Variants in NUP85 observed in about 807,000 individuals in gnomAD.
NUP85 encodes nuclear pore complex protein Nup85.
NUP85 carries 23 observed loss-of-function variants against 92.8 expected under a neutral mutation model. The observed-to-expected ratio is 0.25, with a 90% CI of 0.18 to 0.35. The LOEUF (loss-of-function observed/expected upper bound fraction) is 0.35. Ranked by LOEUF, NUP85 falls within the 10% of genes least tolerant of loss-of-function variation. The pLI, the probability that NUP85 is intolerant of heterozygous loss-of-function variation, is 1.00. For synonymous variants in NUP85, 314 were observed against 306.9 expected (o/e 1.02, Z -0.24); for missense variants, 759 against 822.8 (o/e 0.92, Z 0.95).
intron 3 of NUP85, 51 bp from the exon 4 acceptor site, chr17:75,211,941 G>GCA: frequency 7.3e-7 from 1 of 1,373,068 alleles, no homozygotes. Flanking sequence ...TTCCTTTGTG[G>GCA]CACTACAAGA....
chr17:75,219,260 C>T (rs768772788), intron 7 of NUP85, among the ~76,000 whole-genome samples: 1 of 152,188 alleles, frequency 6.6e-6, no homozygotes, highest in Non-Finnish European at 1.5e-5. Flanking sequence ...GTTTGAGTCT[C>T]TGATTGATTC....
intron 7 of NUP85, among the ~76,000 whole-genome samples, chr17:75,218,693 C>T (rs1265030423): frequency 7.3e-6 from 1 of 136,412 alleles, no homozygotes; most frequent in East Asian, 2.3e-4. Flanking sequence ...TCTCTTGAGC[C>T]CAGGAGTTTG....
intron 17 of NUP85, 75 bp from the exon 18 acceptor site, chr17:75,235,025 C>T (rs1183546451): frequency 9.6e-6 from 12 of 1,254,656 alleles, no homozygotes; most frequent in African/African-American, 4.4e-5. Flanking sequence ...GAAGAACGTC[C>T]GAACATGGGC....
chr17:75,218,147 CTG>C (rs1207857135), intron 6 of NUP85, 36 bp from the exon 7 acceptor site: 2 of 1,612,718 alleles, frequency 1.2e-6, no homozygotes, highest in Admixed American at 3.3e-5. Context: ...GCAGATGAAG[CTG>C]AGGCTTTTGT....
Position 75,218,203 on chromosome 17 carries a change from AT to A in NUP85, c.495del (p.Leu166SerfsTer35). On this transcript the variant is annotated frameshift_variant, in exon 7 of 19. Coordinates refer to ENST00000245544, the MANE Select transcript of NUP85 (RefSeq NM_024844.5). LOFTEE classifies it high-confidence loss of function. Reference protein sequence around the residue: ...EVAPAGPLLLHLLDWVRLHVC... With the variant: ...EVAPAGPLLLXLLDWVRLHVC... ...CTCCCAGCTGGCCCTCTCCTCCTCC[AT>A]CTCCTTGACTGGGTCCGGCTCCATG... 6.2e-7 allele frequency: 1 copy of A among 1,613,838 alleles called. No individual in the cohort carries two copies. Among genetic ancestry groups the A allele is most frequent in the Non-Finnish European group, 8.5e-7 (1 of 1,179,882 alleles).
At chr17:75,208,825 C>G (rs1029368524) in intron 2 of NUP85, among the ~76,000 whole-genome samples, 1 of 152,038 alleles carries the variant, frequency 6.6e-6, no homozygotes, top group Non-Finnish European at 1.5e-5. Context: ...TCACTGCAGC[C>G]TCTACCTCTT....
intron 14 of NUP85, 118 bp from the exon 15 acceptor site, chr17:75,232,733 C>G: frequency 1.2e-6 from 1 of 852,798 alleles, no homozygotes; most frequent in Non-Finnish European, 2.0e-6. Context: ...GCATTTAGAG[C>G]CCAAAGAGTG....
At chr17:75,218,554 A>G (rs576569688) in intron 7 of NUP85, among the ~76,000 whole-genome samples, 1 of 151,658 alleles carries the variant, frequency 6.6e-6, no homozygotes, top group Admixed American at 6.6e-5. Context: ...TTGTGGATCT[A>G]AGGAAGAGAA....
chr17:75,231,825 C>T lies in NUP85; in HGVS notation c.1245-3C>T, dbSNP rs1210542078. The T allele has an allele frequency of 1.4e-5, 22 of 1,613,932 alleles. No homozygotes were observed. The highest frequency in any genetic ancestry group is 1.8e-5 in the Non-Finnish European group (21 of 1,179,884). Reference sequence around the variant, plus strand: ...CATGTCTGTCCTCCTCGAACCTTTGCAGCCTGTGGCAGCTGGGGGTCGATT... The same window carrying T: ...CATGTCTGTCCTCCTCGAACCTTTGTAGCCTGTGGCAGCTGGGGGTCGATT... On this transcript the variant is annotated splice_region_variant and splice_polypyrimidine_tract_variant and intron_variant, in intron 13 of 18. Coordinates refer to ENST00000245544, the MANE Select transcript of NUP85 (RefSeq NM_024844.5). This position sits in a 1 kb window ranked among gnomAD's most constrained non-coding sequence, Gnocchi z 4.6.
intron 3 of NUP85, among the ~76,000 whole-genome samples, chr17:75,211,429 CTTTTT>C (rs35830323): frequency 7.2e-6 from 1 of 139,236 alleles, no homozygotes; most frequent in Admixed American, 7.3e-5. Flanking sequence ...CTGTCTTATT[CTTTTT>C]TTTTTTTTTT....
chr17:75,220,878 A>AT (rs71159457), intron 7 of NUP85, among the ~76,000 whole-genome samples: 59,958 of 97,568 alleles, frequency 0.61, 21,982 homozygotes, highest in East Asian at 0.86. Flanking sequence ...CACCATCCCA[A>AT]TTTTTTTTTT....
rs1333682140 is a variant in NUP85 at position 75,217,400 on chromosome 17, C to G, written c.476-785C>G. Among the ~76,000 whole-genome samples, 7 of 151,796 alleles carry G rather than the reference C, an allele frequency of 4.6e-5. No homozygotes were observed. In the South Asian group the frequency reaches 1.5e-3, roughly 32 times the overall value. On this transcript the variant is annotated intron_variant, in intron 6 of 18. Transcript: ENST00000245544. Reference sequence around the variant, plus strand: ...TTTTTTTTGTAGAGATGGGGTCTCCCTATGTTGCCCAGCCTAGTGTCAAAC... The same window carrying G: ...TTTTTTTTGTAGAGATGGGGTCTCCGTATGTTGCCCAGCCTAGTGTCAAAC...
intron 1 of NUP85, among the ~76,000 whole-genome samples, chr17:75,206,860 G>C (rs1033610497): frequency 6.6e-6 from 1 of 151,748 alleles, no homozygotes; most frequent in Non-Finnish European, 1.5e-5. Context: ...ACCACGCCCG[G>C]CTAATTTTTT....
At chr17:75,214,842 G>A (rs1173641463) in intron 5 of NUP85, among the ~76,000 whole-genome samples, 1 of 123,238 alleles carries the variant, frequency 8.1e-6, no homozygotes, top group Non-Finnish European at 1.7e-5. Context: ...GACTGACAGA[G>A]TGAGACTCTG....
chr17:75,226,769 C>T, intron 11 of NUP85: 1 of 449,940 alleles, frequency 2.2e-6, no homozygotes, highest in South Asian at 1.6e-5. Flanking sequence ...AATAACATCG[C>T]GGGAAACTAC....
Position 75,231,840 on chromosome 17 carries a change from G to A in NUP85, c.1257G>A (p.Leu419=), listed in dbSNP as rs573598039. The A allele has an allele frequency of 1.9e-6, 3 of 1,614,056 alleles. No individual in the cohort carries two copies. The highest frequency in any genetic ancestry group is 1.1e-5 in the South Asian group (1 of 91,060). ...CGAACCTTTGCAGCCTGTGGCAGCT[G>A]GGGGTCGATTACTTTGATTACTGCC... The part of the protein sequence containing the change: ...GLFAHPSLWQ[L]GVDYFDYCPE... Residue 419 remains leucine, a synonymous_variant, in exon 14 of 19, where the codon CTG becomes CTA. Transcript: ENST00000245544. The surrounding 1 kb of genome is among the most constrained non-coding windows in gnomAD (Gnocchi z 4.6).
chr17:75,209,675 C>T (rs1012282253), intron 2 of NUP85, 148 bp from the exon 3 acceptor site: 4 of 566,086 alleles, frequency 7.1e-6, no homozygotes, highest in Non-Finnish European at 1.2e-5. Context: ...AATTCCTGAC[C>T]TCGTGATCTG....
intron 3 of NUP85, among the ~76,000 whole-genome samples, chr17:75,210,436 C>T (rs1212247711): frequency 6.6e-6 from 1 of 152,186 alleles, no homozygotes; most frequent in Non-Finnish European, 1.5e-5. Flanking sequence ...TCATCATTAT[C>T]AGAGTGGTAC....
chr17:75,234,644 T>C lies in NUP85; in HGVS notation c.1623T>C (p.Tyr541=), dbSNP rs1351335011. Reference sequence around the variant, plus strand: ...GCTCTTGTTTCGCCATAGGAAAGTATCGCGAGTTCCACCGTATGTACGGGG... The same window carrying C: ...GCTCTTGTTTCGCCATAGGAAAGTACCGCGAGTTCCACCGTATGTACGGGG... The part of the protein sequence containing the change: ...LSDRLTFLGK[Y]REFHRMYGEK... Residue 541 remains tyrosine, a synonymous_variant, in exon 17 of 19, where the codon TAT becomes TAC. Coordinates refer to ENST00000245544, the MANE Select transcript of NUP85 (RefSeq NM_024844.5). 1 of 1,614,154 alleles carries C rather than the reference T, an allele frequency of 6.2e-7. No individual in the cohort carries two copies. Among genetic ancestry groups the C allele is most frequent in the Admixed American group, 1.7e-5 (1 of 60,028 alleles).
Sources: allele counts gnomAD v4.1 joint callset (sites outside exome capture counted in the v4.1 genomes callset), GRCh38; gene constraint gnomAD v4.1.1; non-coding constraint Gnocchi (gnomAD v3.1); transcripts MANE v1.5; gene names NCBI Gene and HGNC (gene_info 2026-07-23, HGNC 2026-07-21).